The following ATP7B variants were observed in gnomAD, a reference collection of about 807,000 sequenced individuals.
ATP7B encodes ATPase copper transporting beta, also known as copper-transporting ATPase 2.
In ATP7B, 113 loss-of-function variants were observed where a neutral mutation model predicts 118.9. That is an observed-to-expected ratio of 0.95 (90% CI 0.82 to 1.11). The LOEUF (loss-of-function observed/expected upper bound fraction) is 1.11, where lower values mean the gene tolerates loss of function less well. ATP7B is among the 50% of genes most tolerant of loss of function. ATP7B has a pLI of 0.00. For synonymous variants in ATP7B, 777 were observed against 727.4 expected, an observed-to-expected ratio of 1.07 and a Z score of -1.10; for missense variants, 1,867 against 1,871.4, an observed-to-expected ratio of 1.00 and a Z score of 0.04.
At chr13:51,948,319 T>C (rs1238914780) in intron 12 of ATP7B, among the ~76,000 whole-genome samples, 2 of 152,156 alleles carry the variant, frequency 1.3e-5, no homozygotes, top group Non-Finnish European at 2.9e-5. Context: ...GGCACGATCA[T>C]AGCACACTAC....
chr13:51,964,114 C>T (rs1324714187), intron 5 of ATP7B, among the ~76,000 whole-genome samples: 1 of 151,708 alleles, frequency 6.6e-6, no homozygotes, highest in South Asian at 2.1e-4. Flanking sequence ...TTTAAACACA[C>T]ACACACACAC....
In ATP7B at chr13:51,968,871, T is replaced by C. The variant is rs1462444899; in HGVS notation, c.1544-264A>G. 9.6e-5 allele frequency among the ~76,000 whole-genome samples: 14 copies of C among 145,078 alleles called. 1 individual carries two copies. The highest frequency in any genetic ancestry group is 3.0e-4 in the African/African-American group (12 of 39,958). The stretch of plus-strand genomic sequence containing the variant: ...ATCTTTTTTTCTTTTTTCTTTTTTT[T>C]TTTTTTTTGAGATGGAATCTCACTC... On this transcript the variant is annotated intron_variant, in intron 3 of 20. Transcript: ENST00000242839.
intron 1 of ATP7B, among the ~76,000 whole-genome samples, chr13:51,987,136 T>C (rs1952693206): frequency 6.6e-6 from 1 of 152,194 alleles, no homozygotes; most frequent in African/African-American, 2.4e-5. Context: ...ATTGTCTCTG[T>C]TTGCAGATGA....
In ATP7B at chr13:51,944,152, C is replaced by T. The variant is rs2085422358; in HGVS notation, c.3200G>A (p.Ser1067Asn). 1 of 1,614,224 alleles carries T rather than the reference C, an allele frequency of 6.2e-7. No individual in the cohort carries two copies. Among genetic ancestry groups the T allele is most frequent in the African/African-American group, 1.3e-5 (1 of 75,068 alleles). ...GACTGCCACGCCCAAGGGGTGTTCACTGCTGGCCTCCGCAGTCCCCACCAC... is the reference window on the plus strand; with the variant it reads ...GACTGCCACGCCCAAGGGGTGTTCATTGCTGGCCTCCGCAGTCCCCACCAC... ...LAVVGTAEAS[S>N]EHPLGVAVTK... The change falls in exon 14 of 21, where the codon AGT (serine) becomes AAT (asparagine). Residue 1067 changes from serine (S) to asparagine (N), a missense_variant. By Grantham distance (46) the Ser-to-Asn change is conservative (BLOSUM62 1). Coordinates refer to ENST00000242839, the MANE Select transcript of ATP7B (RefSeq NM_000053.4).
In ATP7B at chr13:51,970,511, CCTTT is replaced by C. The variant is rs772000260; in HGVS notation, c.1520_1523del (p.Glu507GlyfsTer16). 3.7e-6 allele frequency: 6 copies of C among 1,614,052 alleles called. No individual in the cohort carries two copies. The highest frequency in any genetic ancestry group is 5.1e-6 in the Non-Finnish European group (6 of 1,180,024). Reference sequence around the variant, plus strand: ...TCTTACCAGCTTCTTTCTGCAGATTCCTTTCTATGTTAGACACACAGGATGCACA... The same window carrying C: ...TCTTACCAGCTTCTTTCTGCAGATTCCTATGTTAGACACACAGGATGCACA... On this transcript the variant is annotated frameshift_variant, in exon 3 of 21. Coordinates refer to ENST00000242839, the MANE Select transcript of ATP7B (RefSeq NM_000053.4). LOFTEE classifies it high-confidence loss of function.
At position 51,950,302 on chromosome 13, in the gene ATP7B, T is replaced by G. The variant is rs1466322729; in HGVS notation, c.2545A>C (p.Asn849His). The G allele has an allele frequency of 6.2e-7, 1 of 1,614,084 alleles. No homozygotes were observed. The highest frequency in any genetic ancestry group is 8.5e-7 in the Non-Finnish European group (1 of 1,180,040). ...ATGAGGGACTCATCAGCCATGGTAT[T>G]GCCTTCCAGGACTTTCCCATCCACT... ...FPVDGKVLEGNTMADESLITG... is the reference protein window; with the variant it reads ...FPVDGKVLEGHTMADESLITG... Residue 849 changes from asparagine to histidine, a missense_variant, in exon 10 of 21, where the codon AAT becomes CAT. Physicochemically the swap from Asn to His is moderately conservative, Grantham distance 68. Transcript: ENST00000242839.
chr13:51,975,351 T>G, intron 1 of ATP7B, 183 bp from the exon 2 acceptor site: 25 of 821,158 alleles, frequency 3.0e-5, no homozygotes, highest in Non-Finnish European at 4.6e-5. Flanking sequence ...GAAAGAGCTC[T>G]GACATTCTTC....
chr13:51,965,117 G>A, intron 4 of ATP7B, 84 bp from the exon 5 acceptor site: 1 of 1,551,042 alleles, frequency 6.4e-7, no homozygotes, highest in Non-Finnish European at 8.8e-7. Context: ...TAGGTAACAG[G>A]CAGCCAAGAG....
chr13:51,982,532 C>T lies in ATP7B; in HGVS notation c.52-7364G>A, dbSNP rs78236788. On this transcript the variant is annotated intron_variant, in intron 1 of 20. Transcript: ENST00000242839. Reference sequence around the variant, plus strand: ...CACAGGTTTAGATACAAGAAAGCTCCGGCTGGCATCTGGCGGGAGTAATAA... The same window carrying T: ...CACAGGTTTAGATACAAGAAAGCTCTGGCTGGCATCTGGCGGGAGTAATAA... Among the ~76,000 whole-genome samples, 62 of 152,190 alleles carry T rather than the reference C, an allele frequency of 4.1e-4. No individual in the cohort carries two copies. The East Asian group carries it at 0.01, about 25-fold the overall frequency.
In ATP7B at chr13:51,949,762, C is replaced by T; in HGVS notation, c.2765G>A (p.Gly922Glu). ...PIQQLADRFS[G>E]YFVPFIIIMS... The stretch of plus-strand genomic sequence containing the variant: ...GATGATGATAAATGGGACAAAATAT[C>T]CACTAAACCGGTCAGCCAGCTGCTG... The change falls in exon 12 of 21, where the codon GGA (glycine) becomes GAA (glutamate). Residue 922 changes from glycine (G) to glutamate (E), a missense_variant. Physicochemically the swap from Gly to Glu is moderately conservative, Grantham distance 98. Coordinates refer to ENST00000242839, the MANE Select transcript of ATP7B (RefSeq NM_000053.4). 1 of 1,614,046 alleles carries T rather than the reference C, an allele frequency of 6.2e-7. No individual in the cohort carries two copies. Among genetic ancestry groups the T allele is most frequent in the Non-Finnish European group, 8.5e-7 (1 of 1,180,016 alleles).
intron 9 of ATP7B, among the ~76,000 whole-genome samples, chr13:51,955,176 C>T (rs978972156): frequency 6.6e-6 from 1 of 152,180 alleles, no homozygotes; most frequent in Non-Finnish European, 1.5e-5. Flanking sequence ...CAGATGGTGC[C>T]ATGGACCAAA....
intron 1 of ATP7B, among the ~76,000 whole-genome samples, chr13:51,987,857 T>C (rs1397401939): frequency 6.6e-6 from 1 of 152,232 alleles, no homozygotes; most frequent in Non-Finnish European, 1.5e-5. Flanking sequence ...GCTAGCCATA[T>C]GCAGAAAACT....
chr13:51,939,997 A>T (rs1957224827), intron 16 of ATP7B, among the ~76,000 whole-genome samples: 1 of 131,356 alleles, frequency 7.6e-6, no homozygotes, highest in Non-Finnish European at 1.6e-5. Context: ...AAACACATGC[A>T]GTCTTTTTTT....
Position 51,950,074 on chromosome 13 carries a change from G to A in ATP7B, c.2663C>T (p.Thr888Ile), listed in dbSNP as rs935426164. Residue 888 changes from threonine (T) to isoleucine (I), a missense_variant, in exon 11 of 21, where the codon ACC becomes ATC. Transcript: ENST00000242839. The stretch of plus-strand genomic sequence containing the variant: ...CAAAGTGGTGTCATTGCCCACGTGG[G>A]TAGCTTTAATGAGCACAGAGCCATG... ...NAHGSVLIKA[T>I]HVGNDTTLAQ... 13 of 1,614,056 alleles carry A rather than the reference G, an allele frequency of 8.1e-6. No homozygotes were observed. The highest frequency in any genetic ancestry group is 1.7e-5 in the Admixed American group (1 of 60,004).
intron 1 of ATP7B, among the ~76,000 whole-genome samples, chr13:52,002,465 C>T (rs1008191180): frequency 2.0e-5 from 3 of 147,168 alleles, no homozygotes; most frequent in African/African-American, 7.6e-5. Flanking sequence ...ACTCGAGAAG[C>T]TGAGGTGATA....
In ATP7B at chr13:51,941,103, T is replaced by C; in HGVS notation, c.3534A>G (p.Thr1178=). The C allele has an allele frequency of 6.2e-7, 1 of 1,614,230 alleles. No individual in the cohort carries two copies. The highest frequency in any genetic ancestry group is 8.5e-7 in the Non-Finnish European group (1 of 1,180,040). ...AMTDHEMKGQ[T]AILVAIDGVL... Reference sequence around the variant, plus strand: ...TACCGTCAATAGCCACCAGGATGGCTGTCTGTCCTTTCATCTCGTGGTCTG... The same window carrying C: ...TACCGTCAATAGCCACCAGGATGGCCGTCTGTCCTTTCATCTCGTGGTCTG... The change falls in exon 16 of 21, where the codon ACA becomes ACG. Residue 1178 remains threonine, a synonymous_variant. Transcript: ENST00000242839.
chr13:51,964,212 T>C (rs1238539054), intron 5 of ATP7B, among the ~76,000 whole-genome samples: 1 of 152,160 alleles, frequency 6.6e-6, no homozygotes, highest in Non-Finnish European at 1.5e-5. Context: ...TTTTATAACA[T>C]GTAGTTCCCA....
At chr13:51,982,641 G>C (rs938970608) in intron 1 of ATP7B, among the ~76,000 whole-genome samples, 1 of 152,158 alleles carries the variant, frequency 6.6e-6, no homozygotes, top group South Asian at 2.1e-4. Context: ...CAAGATGGCC[G>C]AATAGGAACA....
intron 12 of ATP7B, among the ~76,000 whole-genome samples, chr13:51,948,501 G>A (rs998516988): frequency 1.3e-5 from 2 of 152,162 alleles, no homozygotes; most frequent in Non-Finnish European, 2.9e-5. Context: ...CGCTCATTGT[G>A]CCATTACCAA....
Sources: allele counts gnomAD v4.1 joint callset (sites outside exome capture counted in the v4.1 genomes callset), GRCh38; gene constraint gnomAD v4.1.1; transcripts MANE v1.5; gene names NCBI Gene and HGNC (gene_info 2026-07-23, HGNC 2026-07-21).